The following CSMD2 variants were observed in gnomAD, a reference collection of about 807,000 sequenced individuals.
CSMD2 encodes CUB and Sushi multiple domains 2, also known as CUB and sushi domain-containing protein 2.
In CSMD2, 130 loss-of-function variants were observed where a neutral mutation model predicts 398.5. The observed-to-expected ratio is 0.33, with a 90% CI of 0.28 to 0.38. The LOEUF (loss-of-function observed/expected upper bound fraction) is 0.38. Among genes scored for constraint, CSMD2 ranks in the 10% least tolerant of loss-of-function variants. The probability of loss-of-function intolerance (pLI) is 1.00; values close to 1 mark genes in which losing one functional copy is unlikely to be tolerated. For missense variants in CSMD2, 3,829 were observed against 4,764.9 expected, an observed-to-expected ratio of 0.80 and a Z score of 5.78; for synonymous variants, 1,828 against 1,908.5, an observed-to-expected ratio of 0.96 and a Z score of 1.10.
chr1:33,572,533 T>A lies in CSMD2; in HGVS notation c.7735A>T (p.Asn2579Tyr). 1 of 1,610,286 alleles carries A rather than the reference T, an allele frequency of 6.2e-7. No homozygotes were observed. The highest frequency in any genetic ancestry group is 1.1e-5 in the South Asian group (1 of 90,734). The change falls in exon 50 of 71, where the codon AAC becomes TAC. Residue 2579 changes from asparagine to tyrosine, a missense_variant. Asn to Tyr is a moderately radical substitution (Grantham distance 143). Around this residue, in one of 5 missense-constraint regions of CSMD2, gnomAD observed 723 missense variants for 758.6 expected, o/e 0.95. Coordinates refer to ENST00000373381, the MANE Select transcript of CSMD2 (RefSeq NM_001281956.2). Reference sequence around the variant, plus strand: ...ACACACTGTGGTGGGACATTGCGGTTGCTCCATAGGCCTGTGTCCAGACAC... The same window carrying A: ...ACACACTGTGGTGGGACATTGCGGTAGCTCCATAGGCCTGTGTCCAGACAC... ...AECLDTGLWS[N>Y]RNVPPQCVPV... is the part of the protein sequence containing the mutation.
At chr1:33,899,787 G>A (rs922139174) in intron 5 of CSMD2, among the ~76,000 whole-genome samples, 1 of 152,220 alleles carries the variant, frequency 6.6e-6, no homozygotes, top group Non-Finnish European at 1.5e-5. Context: ...GTGACTTGCT[G>A]TGAGAGAAGA....
At chr1:33,772,381 A>C in intron 13 of CSMD2, 188 bp downstream of exon 13, 1 of 572,170 alleles carries the variant, frequency 1.7e-6, no homozygotes, top group Admixed American at 3.1e-5. Context: ...TCTCAGTGCT[A>C]CAGTCGACAT....
intron 25 of CSMD2, among the ~76,000 whole-genome samples, chr1:33,687,728 A>G (rs961361679): frequency 6.6e-6 from 1 of 152,200 alleles, no homozygotes; most frequent in Non-Finnish European, 1.5e-5. Flanking sequence ...AATGCAGTCA[A>G]AATAAAAATA....
chr1:34,016,748 A>G (rs909962342), intron 3 of CSMD2, among the ~76,000 whole-genome samples: 3 of 152,326 alleles, frequency 2.0e-5, no homozygotes, highest in East Asian at 1.9e-4. Context: ...TTTAAAATAT[A>G]TATTTGGTTG....
intron 1 of CSMD2, among the ~76,000 whole-genome samples, chr1:34,094,118 G>A (rs376002577): frequency 1.4e-4 from 22 of 151,860 alleles, no homozygotes; most frequent in East Asian, 5.8e-4. Flanking sequence ...ATTCTTAAAG[G>A]AAAGAATTTT....
intron 6 of CSMD2, among the ~76,000 whole-genome samples, chr1:33,840,524 T>C (rs1660747094): frequency 6.6e-6 from 1 of 152,210 alleles, no homozygotes; most frequent in Non-Finnish European, 1.5e-5. Context: ...CCCATGAGCT[T>C]GTGCATCTAT....
intron 1 of CSMD2, among the ~76,000 whole-genome samples, chr1:34,152,405 C>T (rs1640407910): frequency 6.6e-6 from 1 of 152,168 alleles, no homozygotes; most frequent in African/African-American, 2.4e-5. Flanking sequence ...GCACCCTACC[C>T]TCATTGTGTT....
At position 33,546,032 on chromosome 1, in the gene CSMD2, A is replaced by G. The variant is rs758854113; in HGVS notation, c.9100+5T>C. 39 of 1,609,232 alleles carry G rather than the reference A, an allele frequency of 2.4e-5. No individual in the cohort carries two copies. In the Admixed American group the frequency reaches 6.2e-4, roughly 25 times the overall value. On this transcript the variant is annotated splice_donor_5th_base_variant and intron_variant, in intron 57 of 70. Transcript: ENST00000373381. ...GGGGAGAAGCAGAATGGTCACATAC[A>G]TTACCTCCACACTCAGGCTGCGAGC...
intron 1 of CSMD2, among the ~76,000 whole-genome samples, chr1:34,145,892 T>C (rs978055876): frequency 9.9e-5 from 15 of 152,124 alleles, no homozygotes; most frequent in Non-Finnish European, 1.5e-4. Context: ...GCTGGGAAAG[T>C]GGACACTGAG....
At chr1:33,959,957 A>G (rs528173805) in intron 3 of CSMD2, among the ~76,000 whole-genome samples, 2 of 152,314 alleles carry the variant, frequency 1.3e-5, no homozygotes, top group Admixed American at 1.3e-4. Context: ...CAGCGTGGGC[A>G]TAGGTCAAAT....
chr1:33,655,390 T>G (rs1643917356), intron 27 of CSMD2, among the ~76,000 whole-genome samples: 1 of 152,262 alleles, frequency 6.6e-6, no homozygotes, highest in Non-Finnish European at 1.5e-5. Flanking sequence ...GGCACAGTTC[T>G]TATTGCTTTA....
At chr1:33,871,802 A>G (rs1246873562) in intron 5 of CSMD2, among the ~76,000 whole-genome samples, 1 of 152,180 alleles carries the variant, frequency 6.6e-6, no homozygotes, top group East Asian at 1.9e-4. Flanking sequence ...TTTTTCATAG[A>G]GATGGGGTTT....
Position 34,084,036 on chromosome 1 carries a change from G to A in CSMD2, c.404+4941C>T, listed in dbSNP as rs1487625767. On this transcript the variant is annotated intron_variant, in intron 2 of 70. Transcript: ENST00000373381. ...CTAGCCCTTCCCCTTTGCTAAGCCCGTGTGAAATGAATTAGAATAAGCAGA... is the reference window on the plus strand; with the variant it reads ...CTAGCCCTTCCCCTTTGCTAAGCCCATGTGAAATGAATTAGAATAAGCAGA... Among the ~76,000 whole-genome samples the A allele has an allele frequency of 5.3e-5, 8 of 151,862 alleles. No individual in the cohort carries two copies. In the East Asian group the frequency reaches 7.7e-4, roughly 15 times the overall value.
rs373504984 is a variant in CSMD2 at position 34,140,295 on chromosome 1, A to AAAG, written c.187+24615_187+24616insCTT. Among the ~76,000 whole-genome samples, 673 of 112,664 alleles carry AAAG rather than the reference A, an allele frequency of 6.0e-3. 9 individuals are homozygous for AAAG. Among genetic ancestry groups the AAAG allele is most frequent in the African/African-American group, 0.017 (631 of 36,088 alleles). 73.9% of individuals were successfully genotyped at this position (112,664 alleles called of 152,430 possible). The stretch of plus-strand genomic sequence containing the variant: ...CCAGACAGAGGAATCGGCATATGCA[A>AAAG]AAAAACAAACAAACAAACAAACAAA... On this transcript the variant is annotated intron_variant, in intron 1 of 70. Coordinates refer to ENST00000373381, the MANE Select transcript of CSMD2 (RefSeq NM_001281956.2).
intron 25 of CSMD2, among the ~76,000 whole-genome samples, chr1:33,681,430 T>A (rs954274759): frequency 6.6e-6 from 1 of 152,186 alleles, no homozygotes; most frequent in African/African-American, 2.4e-5. Context: ...CCATTTTACT[T>A]CTTCTTATGT....
At chr1:33,606,280 C>T (rs1242089390) in intron 41 of CSMD2, among the ~76,000 whole-genome samples, 5 of 152,196 alleles carry the variant, frequency 3.3e-5, no homozygotes, top group African/African-American at 9.7e-5. Flanking sequence ...GGAGACAGAA[C>T]GTTCCTACAG....
At chr1:34,029,987 TAA>T (rs1650207440) in intron 3 of CSMD2, among the ~76,000 whole-genome samples, 1 of 152,246 alleles carries the variant, frequency 6.6e-6, no homozygotes, top group South Asian at 2.1e-4. Flanking sequence ...CACTGGCCTC[TAA>T]TTTATCCCTA....
chr1:34,138,999 C>T (rs1314849282), intron 1 of CSMD2, among the ~76,000 whole-genome samples: 2 of 152,178 alleles, frequency 1.3e-5, no homozygotes, highest in Admixed American at 6.5e-5. Context: ...CACTAACCAA[C>T]ACTCACTCCT....
intron 3 of CSMD2, among the ~76,000 whole-genome samples, chr1:33,958,622 G>C (rs1345799215): frequency 6.6e-6 from 1 of 152,200 alleles, no homozygotes; most frequent in Non-Finnish European, 1.5e-5. Context: ...AAGCAGTAGA[G>C]ACTTTTCTGC....
Sources: allele counts gnomAD v4.1 joint callset (sites outside exome capture counted in the v4.1 genomes callset), GRCh38; gene constraint gnomAD v4.1.1; regional missense constraint gnomAD v4.1.1; transcripts MANE v1.5; gene names NCBI Gene and HGNC (gene_info 2026-07-23, HGNC 2026-07-21).